Variants in ATP6V0D1 observed in about 807,000 individuals in gnomAD.
ATP6V0D1 encodes V-type proton ATPase subunit d 1.
Under a neutral mutation model 39.0 loss-of-function variants are expected in ATP6V0D1, and 13 were observed. The ratio of observed to expected loss-of-function variants is 0.33; its 90% CI spans 0.22 to 0.53. The LOEUF is 0.53. Among genes scored for constraint, ATP6V0D1 ranks in the 20% least tolerant of loss-of-function variants. The pLI is 0.94. For synonymous variants in ATP6V0D1, 191 were observed against 191.2 expected, an observed-to-expected ratio of 1.00 and a Z score of 0.01; for missense variants, 272 against 470.9, an observed-to-expected ratio of 0.58 and a Z score of 3.91.
intron 1 of ATP6V0D1, among the ~76,000 whole-genome samples, chr16:67,470,598 G>A (rs932266085): frequency 1.3e-5 from 2 of 152,182 alleles, no homozygotes; most frequent in African/African-American, 4.8e-5. Context: ...GCCAACAGAT[G>A]GCCTGGCGCG....
At chr16:67,461,820 G>C (rs1275899445) in intron 1 of ATP6V0D1, among the ~76,000 whole-genome samples, 1 of 152,190 alleles carries the variant, frequency 6.6e-6, no homozygotes, top group Non-Finnish European at 1.5e-5. Context: ...AAATGGGAGA[G>C]TCACCTCCCA....
intron 1 of ATP6V0D1, chr16:67,457,290 C>T (rs2041247185): frequency 4.1e-5 from 12 of 291,206 alleles, no homozygotes; most frequent in South Asian, 3.2e-4. Context: ...GTCCAGAGTC[C>T]CAGAGTTGGG....
chr16:67,439,567 G>A (rs1389897995), intron 4 of ATP6V0D1: 2 of 595,962 alleles, frequency 3.4e-6, no homozygotes, highest in Non-Finnish European at 6.0e-6. Context: ...CCACCCAGGA[G>A]TGCCAGGGCA....
chr16:67,462,274 A>C (rs1194176211), intron 1 of ATP6V0D1, among the ~76,000 whole-genome samples: 1 of 152,096 alleles, frequency 6.6e-6, no homozygotes, highest in Non-Finnish European at 1.5e-5. Context: ...ACCCAGCCTC[A>C]CCCTGGGAGG....
intron 1 of ATP6V0D1, chr16:67,459,258 G>T: frequency 1.0e-6 from 1 of 985,550 alleles, no homozygotes; most frequent in Non-Finnish European, 1.2e-6. Flanking sequence ...TAGAGAGGCT[G>T]GGTTGGGAAG....
intron 1 of ATP6V0D1, among the ~76,000 whole-genome samples, chr16:67,463,733 G>A (rs1234950903): frequency 6.6e-6 from 1 of 152,244 alleles, no homozygotes; most frequent in Non-Finnish European, 1.5e-5. Flanking sequence ...TATACAAGCT[G>A]GTCCAGTACA....
In ATP6V0D1 at chr16:67,439,018, G is replaced by T. The variant is rs141836885; in HGVS notation, c.769C>A (p.Arg257=). 6.2e-7 allele frequency: 1 copy of T among 1,614,038 alleles called. No individual in the cohort carries two copies. Among genetic ancestry groups the T allele is most frequent in the Non-Finnish European group, 8.5e-7 (1 of 1,180,034 alleles). The change falls in exon 6 of 8, where the codon CGG becomes AGG. Residue 257 remains arginine, a synonymous_variant. Transcript: ENST00000290949. ...TTGACCTGTTCATAGTCGTCAGCCC[G>T]AGCCAGCTGCGCCAGGCCCTCAGGG... ...LYPEGLAQLA[R]ADDYEQVKNV...
intron 2 of ATP6V0D1, among the ~76,000 whole-genome samples, chr16:67,446,491 C>G (rs942206081): frequency 6.6e-6 from 1 of 152,198 alleles, no homozygotes; most frequent in Non-Finnish European, 1.5e-5. Context: ...CAGCTGCAAG[C>G]CAAGAGGCCC....
Position 67,453,414 on chromosome 16 carries a change from A to T in ATP6V0D1, c.302+130T>A. The T allele has an allele frequency of 8.9e-7, 1 of 1,120,078 alleles. No individual in the cohort carries two copies. The highest frequency in any genetic ancestry group is 1.3e-6 in the Non-Finnish European group (1 of 773,110). 69.4% of individuals were successfully genotyped at this position (1,120,078 alleles called of 1,614,324 possible). ...AGGGTCCTGGGACACCTGGCCTGAC[A>T]GAGCTGCCATCAGCTCTGACAGCTG... On this transcript the variant is annotated intron_variant, in intron 2 of 7. Coordinates refer to ENST00000290949, the MANE Select transcript of ATP6V0D1 (RefSeq NM_004691.5). The surrounding 1 kb of genome is among the most constrained non-coding windows in gnomAD (Gnocchi z 4.1).
chr16:67,461,396 C>T (rs1448811173), intron 1 of ATP6V0D1, among the ~76,000 whole-genome samples: 1 of 152,222 alleles, frequency 6.6e-6, no homozygotes, highest in Non-Finnish European at 1.5e-5. Context: ...CTCTGAGCAG[C>T]CCCAGCAACC....
At chr16:67,469,810 T>C (rs1166911554) in intron 1 of ATP6V0D1, among the ~76,000 whole-genome samples, 2 of 152,178 alleles carry the variant, frequency 1.3e-5, no homozygotes, top group Non-Finnish European at 2.9e-5. Context: ...ATTTAAACAA[T>C]AGAAGAGTAC....
intron 1 of ATP6V0D1, among the ~76,000 whole-genome samples, chr16:67,461,832 G>A (rs9935803): frequency 0.03 from 4,517 of 152,266 alleles, 222 homozygotes; most frequent in African/African-American, 0.1. Context: ...CACCTCCCAA[G>A]TCCAGGAAGC....
Position 67,444,848 on chromosome 16 carries a change from AGT to A in ATP6V0D1, c.303-144_303-143del. ...CTCATGGGTGCTGCGGATAAGCACCAGTGTCTCCTCTCCCTCCCCATGTTCCT... is the reference window on the plus strand; with the variant it reads ...CTCATGGGTGCTGCGGATAAGCACCAGTCTCCTCTCCCTCCCCATGTTCCT... On this transcript the variant is annotated intron_variant, in intron 2 of 7. Coordinates refer to ENST00000290949, the MANE Select transcript of ATP6V0D1 (RefSeq NM_004691.5). This position sits in a 1 kb window ranked among gnomAD's most constrained non-coding sequence, Gnocchi z 4.8. 2.7e-6 allele frequency: 2 copies of A among 740,868 alleles called. No homozygotes were observed. The allele number at this position is 740,868 out of a possible 1,614,324, so 45.9% of individuals were successfully genotyped here. A position where few individuals can be genotyped will look rare whatever the true frequency, so the allele number is the denominator to read the frequency against.
chr16:67,477,444 T>A (rs927613600), intron 1 of ATP6V0D1, among the ~76,000 whole-genome samples: 4 of 152,236 alleles, frequency 2.6e-5, no homozygotes, highest in African/African-American at 7.2e-5. Flanking sequence ...AAAATACTCA[T>A]GACTTTTTTC....
chr16:67,444,780 C>T lies in ATP6V0D1; in HGVS notation c.303-74G>A, dbSNP rs1206983689. On this transcript the variant is annotated intron_variant, in intron 2 of 7. Coordinates refer to ENST00000290949, the MANE Select transcript of ATP6V0D1 (RefSeq NM_004691.5). The surrounding 1 kb of genome is among the most constrained non-coding windows in gnomAD (Gnocchi z 4.8). ...AAGTCCTGGCATAGCACCATGCCCT[C>T]GCCCGCCTGCACAGGCCATCACCCC... is the stretch of plus-strand genomic sequence containing the variant. 18 of 1,372,300 alleles carry T rather than the reference C, an allele frequency of 1.3e-5. No individual in the cohort carries two copies. The highest frequency in any genetic ancestry group is 2.5e-5 in the East Asian group (1 of 39,444). 85.0% of individuals were successfully genotyped at this position (1,372,300 alleles called of 1,614,324 possible). A position where few individuals can be genotyped will look rare whatever the true frequency, so the allele number is the denominator to read the frequency against.
intron 2 of ATP6V0D1, chr16:67,445,965 C>T (rs1227808741): frequency 2.2e-6 from 1 of 455,824 alleles, no homozygotes; most frequent in Non-Finnish European, 4.4e-6. Flanking sequence ...AGGTGAGGCA[C>T]CTATGGGATA....
Position 67,438,301 on chromosome 16 carries a change from T to G in ATP6V0D1, c.*227A>C. The stretch of plus-strand genomic sequence containing the variant: ...GGGGGCCTCCTTGCTCTGGAGGGGG[T>G]CTTCGTCCATCCTTGGTGGGGGGGG... On this transcript the variant is annotated 3_prime_UTR_variant, in exon 8 of 8. Coordinates refer to ENST00000290949, the MANE Select transcript of ATP6V0D1 (RefSeq NM_004691.5). The G allele has an allele frequency of 1.7e-6, 1 of 578,054 alleles. No homozygotes were observed. The highest frequency in any genetic ancestry group is 2.1e-5 in the South Asian group (1 of 47,896). The allele number at this position is 578,054 out of a possible 1,614,324, so 35.8% of individuals were successfully genotyped here.
chr16:67,458,726 T>C (rs969172437), intron 1 of ATP6V0D1, among the ~76,000 whole-genome samples: 1 of 152,168 alleles, frequency 6.6e-6, no homozygotes, highest in Admixed American at 6.5e-5. Context: ...CTCTCTGCTG[T>C]CTGACCTGAA....
intron 2 of ATP6V0D1, among the ~76,000 whole-genome samples, chr16:67,450,613 G>C (rs555871111): frequency 6.0e-4 from 91 of 152,312 alleles, no homozygotes; most frequent in African/African-American, 1.9e-3. Context: ...GGTGGCTTTA[G>C]CCAGGGCCTT....
Sources: allele counts gnomAD v4.1 joint callset (sites outside exome capture counted in the v4.1 genomes callset), GRCh38; gene constraint gnomAD v4.1.1; non-coding constraint Gnocchi (gnomAD v3.1); transcripts MANE v1.5; gene names NCBI Gene and HGNC (gene_info 2026-07-23, HGNC 2026-07-21).